The following RNF214 variants were observed in gnomAD, a reference collection of about 807,000 sequenced individuals.
RNF214 encodes ring finger protein 214.
In RNF214, 25 loss-of-function variants were observed where a neutral mutation model predicts 75.9. The observed-to-expected ratio is 0.33, with a 90% CI of 0.24 to 0.46. RNF214 has a LOEUF of 0.46. RNF214 is among the 20% of genes least tolerant of loss of function. The pLI, the probability that RNF214 is intolerant of heterozygous loss-of-function variation, is 1.00. For synonymous variants in RNF214, 314 were observed against 308.8 expected (o/e 1.02, Z -0.18); for missense variants, 725 against 857.5 (o/e 0.85, Z 1.93).
At chr11:117,247,072 AAAAACTCTCC>A in intron 6 of RNF214, 124 bp downstream of exon 6, 1 of 766,562 alleles carries the variant, frequency 1.3e-6, no homozygotes, top group South Asian at 3.5e-5. Flanking sequence ...GTGTACAAGT[AAAAACTCTCC>A]AATGACTTTA....
chr11:117,281,341 T>C lies in RNF214; in HGVS notation c.1173T>C (p.Val391=). 1 of 1,613,584 alleles carries C rather than the reference T, an allele frequency of 6.2e-7. No individual in the cohort carries two copies. Among genetic ancestry groups the C allele is most frequent in the East Asian group, 2.2e-5 (1 of 44,822 alleles). The change falls in exon 9 of 15, where the codon GTT becomes GTC. Residue 391 remains valine (V), a synonymous_variant. Coordinates refer to ENST00000300650, the MANE Select transcript of RNF214 (RefSeq NM_207343.4). The part of the protein sequence containing the change: ...LKSTPPTLET[V]RSKQEWETRL... ...CAACTCCCCCAACACTGGAGACAGT[T>C]CGTTCCAAACAGGAGTGGGAGACGA...
At chr11:117,250,718 A>G (rs1162345243) in intron 6 of RNF214, among the ~76,000 whole-genome samples, 4 of 143,712 alleles carry the variant, frequency 2.8e-5, no homozygotes, top group Non-Finnish European at 4.6e-5. Context: ...CAGATAAACA[A>G]GTGAACAAAG....
At chr11:117,237,511 G>A (rs559748058) in intron 2 of RNF214, among the ~76,000 whole-genome samples, 6 of 152,282 alleles carry the variant, frequency 3.9e-5, no homozygotes, top group African/African-American at 1.4e-4. Flanking sequence ...AAAAAAGAGG[G>A]TGGGGTCAAA....
chr11:117,278,297 C>G (rs1199179835), intron 6 of RNF214, among the ~76,000 whole-genome samples: 1 of 152,164 alleles, frequency 6.6e-6, no homozygotes, highest in African/African-American at 2.4e-5. Context: ...GAGTGAGACT[C>G]TGTCTCAAAA....
chr11:117,279,475 G>A lies in RNF214; in HGVS notation c.960-433G>A, dbSNP rs112278015. Among the ~76,000 whole-genome samples the A allele has an allele frequency of 6.6e-3, 1,002 of 152,058 alleles. 16 individuals are homozygous for A. The highest frequency in any genetic ancestry group is 0.023 in the African/African-American group (965 of 41,472). ...CCCTTCTGAGTAGCTGGGACTAGGC[G>A]ACAGGCGTGCGCCATCACGCCCAGC... On this transcript the variant is annotated intron_variant, in intron 6 of 14. Coordinates refer to ENST00000300650, the MANE Select transcript of RNF214 (RefSeq NM_207343.4).
rs2034263239 is a variant in RNF214, at chr11:117,286,420, C to A, written c.*1269C>A. ...ACTCCTACAGGGAATGGCCTCAGCT[C>A]CCTTCTCTTTTAGAATTAAACAAGT... On this transcript the variant is annotated 3_prime_UTR_variant, in exon 15 of 15. Coordinates refer to ENST00000300650, the MANE Select transcript of RNF214 (RefSeq NM_207343.4). 6.6e-6 allele frequency: 1 copy of A among 152,110 alleles called. No individual in the cohort carries two copies. 9.4% of individuals were successfully genotyped at this position (152,110 alleles called of 1,614,324 possible). A position where few individuals can be genotyped will look rare whatever the true frequency, so the allele number is the denominator to read the frequency against.
At chr11:117,244,037 A>C (rs2033147812) in intron 4 of RNF214, among the ~76,000 whole-genome samples, 1 of 152,218 alleles carries the variant, frequency 6.6e-6, no homozygotes, top group African/African-American at 2.4e-5. Context: ...GCTAAAGTGC[A>C]GTGGCACGAT....
intron 6 of RNF214, among the ~76,000 whole-genome samples, chr11:117,266,859 C>CTTTTTTTTTTTTTTT (rs36064361): frequency 7.8e-6 from 1 of 128,850 alleles, no homozygotes; most frequent in Non-Finnish European, 1.6e-5. Context: ...TCTTCTTTTT[C>CTTTTTTTTTTTTTTT]TTTTTTTTTT....
Position 117,282,488 on chromosome 11 carries a change from G to T in RNF214, c.1797G>T (p.Leu599Phe), listed in dbSNP as rs756829944. ...AGLTMEELIQ[L>F]VAARLAEHER... ...TGACCATGGAGGAACTTATCCAGTT[G>T]GTTGCTGCACGACTGGCAGAACATG... The change falls in exon 12 of 15, where the codon TTG becomes TTT. Residue 599 changes from leucine to phenylalanine, a missense_variant. Around this residue, in one of 2 missense-constraint regions of RNF214, gnomAD observed 363 missense variants for 513.0 expected, o/e 0.71. Transcript: ENST00000300650. The T allele has an allele frequency of 9.3e-6, 15 of 1,614,042 alleles. No individual in the cohort carries two copies. The highest frequency in any genetic ancestry group is 1.3e-5 in the Non-Finnish European group (15 of 1,180,034).
intron 6 of RNF214, among the ~76,000 whole-genome samples, chr11:117,272,527 C>T (rs1464967539): frequency 6.7e-6 from 1 of 149,894 alleles, no homozygotes; most frequent in African/African-American, 2.5e-5. Context: ...ATAGGTGGAG[C>T]AAACCACCAT....
intron 6 of RNF214, among the ~76,000 whole-genome samples, chr11:117,274,265 GTAGT>G (rs994108257): frequency 6.9e-6 from 1 of 145,626 alleles, no homozygotes; most frequent in Non-Finnish European, 1.5e-5. Flanking sequence ...ACTCAAAGGA[GTAGT>G]TAGTTAGAAT....
chr11:117,242,310 A>G (rs751649214), intron 4 of RNF214, among the ~76,000 whole-genome samples: 16 of 152,212 alleles, frequency 1.1e-4, no homozygotes, highest in Non-Finnish European at 2.9e-5. Flanking sequence ...ACCAGATAAG[A>G]GAGTGGATAT....
At chr11:117,259,464 T>C (rs898401033) in intron 6 of RNF214, among the ~76,000 whole-genome samples, 1 of 152,218 alleles carries the variant, frequency 6.6e-6, no homozygotes, top group Non-Finnish European at 1.5e-5. Context: ...GTAGGGTAGA[T>C]GTATGAACAG....
chr11:117,250,336 G>A (rs2033337461), intron 6 of RNF214, among the ~76,000 whole-genome samples: 1 of 152,164 alleles, frequency 6.6e-6, no homozygotes, highest in Non-Finnish European at 1.5e-5. Flanking sequence ...TTTCAATAGT[G>A]ACTACGTGTT....
At position 117,282,001 on chromosome 11, in the gene RNF214, C is replaced by G; in HGVS notation, c.1443C>G (p.Pro481=). The change falls in exon 11 of 15, where the codon CCC becomes CCG. Residue 481 remains proline, a synonymous_variant. Coordinates refer to ENST00000300650, the MANE Select transcript of RNF214 (RefSeq NM_207343.4). ...CCATGGTTATGCCCAGTGCAGATCC[C>G]CGCTCCTTGTCTTTCCCAATCCTGA... ...TMPMVMPSAD[P]RSLSFPILNP... 1 of 1,614,108 alleles carries G rather than the reference C, an allele frequency of 6.2e-7. No individual in the cohort carries two copies. The highest frequency in any genetic ancestry group is 8.5e-7 in the Non-Finnish European group (1 of 1,180,034).
Position 117,254,620 on chromosome 11 carries a change from GTTC to G in RNF214, c.959+7681_959+7683del, listed in dbSNP as rs568875395. 6.5e-3 allele frequency among the ~76,000 whole-genome samples: 987 copies of G among 150,896 alleles called. 15 individuals are homozygous for G. Among genetic ancestry groups the G allele is most frequent in the African/African-American group, 0.023 (944 of 41,148 alleles). On this transcript the variant is annotated intron_variant, in intron 6 of 14. Transcript: ENST00000300650. ...GTCAAGTCAGCCACCTGACCTCTTCGTTCTTCTTCTTTTTTTTTTTTGAGACAG... is the reference window on the plus strand; with the variant it reads ...GTCAAGTCAGCCACCTGACCTCTTCGTTCTTCTTTTTTTTTTTTGAGACAG...
chr11:117,246,319 CTGTGTGTATATGTG>C (rs2033224635), intron 5 of RNF214, among the ~76,000 whole-genome samples: 1 of 150,820 alleles, frequency 6.6e-6, no homozygotes, highest in Non-Finnish European at 1.5e-5. Flanking sequence ...ATATGTATAT[CTGTGTGTATATGTG>C]TGTGTGTATA....
In RNF214 at chr11:117,241,054, C is replaced by T. The variant is rs139232035; in HGVS notation, c.678+1194C>T. ...AATTAGCCAGGTGTGGTGGCGTGTG[C>T]CTGTAATCCCAGCTACTTGGGTGGC... is the stretch of plus-strand genomic sequence containing the variant. On this transcript the variant is annotated intron_variant, in intron 4 of 14. Coordinates refer to ENST00000300650, the MANE Select transcript of RNF214 (RefSeq NM_207343.4). Among the ~76,000 whole-genome samples the T allele has an allele frequency of 2.8e-3, 420 of 152,054 alleles. 2 individuals carry two copies. Among genetic ancestry groups the T allele is most frequent in the African/African-American group, 9.6e-3 (396 of 41,458 alleles).
chr11:117,279,088 C>G (rs1391189397), intron 6 of RNF214, among the ~76,000 whole-genome samples: 1 of 152,084 alleles, frequency 6.6e-6, no homozygotes, highest in African/African-American at 2.4e-5. Flanking sequence ...CAGAGTAAGA[C>G]CCTGTCTATA....
Sources: gnomAD v4.1 joint callset for allele counts (sites outside exome capture counted in the v4.1 genomes callset) on GRCh38, gnomAD v4.1.1 for gene constraint, gnomAD v4.1.1 regional missense constraint, MANE v1.5 for transcripts, NCBI Gene and HGNC (gene_info 2026-07-23, HGNC 2026-07-21) for gene names.